The following TAPT1 variants were observed in gnomAD, a reference collection of about 807,000 sequenced individuals.
The protein encoded by TAPT1 is transmembrane anterior posterior transformation protein 1 homolog.
A neutral mutation model predicts 65.6 loss-of-function variants in TAPT1; 28 were observed. The ratio of observed to expected loss-of-function variants is 0.43; its 90% CI spans 0.32 to 0.59. The LOEUF (loss-of-function observed/expected upper bound fraction) is 0.59. Ranked by LOEUF, TAPT1 falls within the 20% of genes least tolerant of loss-of-function variation. TAPT1 has a pLI of 0.09. For missense variants in TAPT1, 563 were observed against 679.9 expected (o/e 0.83, Z 1.91); for synonymous variants, 278 against 245.2 (o/e 1.13, Z -1.25).
chr4:16,219,907 C>T (rs1751151798), intron 1 of TAPT1, among the ~76,000 whole-genome samples: 1 of 152,192 alleles, frequency 6.6e-6, no homozygotes. Context: ...AAATGATCAA[C>T]CATCTCTCTG....
intron 4 of TAPT1, among the ~76,000 whole-genome samples, chr4:16,189,217 T>C (rs2149690257): frequency 6.6e-6 from 1 of 152,348 alleles, no homozygotes. Flanking sequence ...TCAGTCTGAA[T>C]GCCACATCCT....
At chr4:16,166,062 C>T (rs56218994) in intron 13 of TAPT1, among the ~76,000 whole-genome samples, 34,936 of 152,172 alleles carry the variant, frequency 0.23, 4,122 homozygotes, top group East Asian at 0.31. Flanking sequence ...CTGGGATGGG[C>T]CACTGCAGCC....
Position 16,217,827 on chromosome 4 carries a change from G to A in TAPT1, c.200-3929C>T, listed in dbSNP as rs200135831. ...GTGAAAAGCTTCACTCAAGGTAGCA[G>A]CTGCTGCTGATTCAGGAGCCTCTAC... On this transcript the variant is annotated intron_variant, in intron 1 of 13. Coordinates refer to ENST00000405303, the MANE Select transcript of TAPT1 (RefSeq NM_153365.3). 6.2e-3 allele frequency among the ~76,000 whole-genome samples: 947 copies of A among 152,340 alleles called. 11 individuals are homozygous for A. Among genetic ancestry groups the A allele is most frequent in the African/African-American group, 0.021 (893 of 41,572 alleles).
rs1401818014 is a variant in TAPT1, at chr4:16,181,365, T to G, written c.917-1708A>C. On this transcript the variant is annotated intron_variant, in intron 7 of 13. Coordinates refer to ENST00000405303, the MANE Select transcript of TAPT1 (RefSeq NM_153365.3). ...CAGAATTATCTGAAAATAAATGGCC[T>G]TGAGAAATTTAAAACACTATCTGAA... Among the ~76,000 whole-genome samples, 7 of 152,234 alleles carry G rather than the reference T, an allele frequency of 4.6e-5. No homozygotes were observed. In the East Asian group the frequency reaches 1.3e-3, roughly 29 times the overall value.
chr4:16,176,408 T>C, intron 8 of TAPT1, 180 bp from the exon 9 acceptor site: 1 of 412,772 alleles, frequency 2.4e-6, no homozygotes, highest in Non-Finnish European at 4.3e-6. Flanking sequence ...TAAAGGATAC[T>C]TCATTCAACA....
chr4:16,226,553 A>AGCCGCCGCC (rs551534255), upstream of TAPT1: 401 of 742,450 alleles, frequency 5.4e-4, no homozygotes, highest in African/African-American at 7.6e-4. Context: ...CCGGAGCCCG[A>AGCCGCCGCC]GCCGCCGCCG....
In TAPT1 at chr4:16,166,866, T is replaced by C. The variant is rs75762102; in HGVS notation, c.1314-73A>G. 86,983 of 1,472,402 alleles carry C rather than the reference T, an allele frequency of 0.059. 2,939 individuals carry two copies. The highest frequency in any genetic ancestry group is 0.12 in the Middle Eastern group (688 of 5,760). The allele number at this position is 1,472,402 out of a possible 1,614,324, so 91.2% of individuals were successfully genotyped here. ...TCCCTGTGAATGCCATCTACTACCA[T>C]GGCTAAGGAGAAGGTGGGGGGGCAT... On this transcript the variant is annotated intron_variant, in intron 12 of 13. Coordinates refer to ENST00000405303, the MANE Select transcript of TAPT1 (RefSeq NM_153365.3).
chr4:16,160,638 T>C lies in TAPT1; in HGVS notation c.*2670A>G, dbSNP rs1747204137. ...TCTTCCACAGACGAACAGGGACTTATCTTGCTCATTGCTGATCCCACCACT... is the reference window on the plus strand; with the variant it reads ...TCTTCCACAGACGAACAGGGACTTACCTTGCTCATTGCTGATCCCACCACT... On this transcript the variant is annotated 3_prime_UTR_variant, in exon 14 of 14. Coordinates refer to ENST00000405303, the MANE Select transcript of TAPT1 (RefSeq NM_153365.3). 1.3e-5 allele frequency: 2 copies of C among 152,356 alleles called. No homozygotes were observed. The highest frequency in any genetic ancestry group is 4.1e-4 in the South Asian group (2 of 4,826). The allele number at this position is 152,356 out of a possible 1,614,324, so 9.4% of individuals were successfully genotyped here. A position where few individuals can be genotyped will look rare whatever the true frequency, so the allele number is the denominator to read the frequency against.
intron 2 of TAPT1, among the ~76,000 whole-genome samples, chr4:16,213,392 A>G (rs2108888742): frequency 6.6e-6 from 1 of 152,310 alleles, no homozygotes; most frequent in East Asian, 1.9e-4. Flanking sequence ...AAACCTTTAA[A>G]AAGGCTGAAA....
intron 2 of TAPT1, among the ~76,000 whole-genome samples, chr4:16,209,319 T>C (rs540569881): frequency 2.0e-5 from 3 of 152,358 alleles, no homozygotes; most frequent in African/African-American, 7.2e-5. Context: ...GTATCCTGTA[T>C]TATAATAACT....
intron 1 of TAPT1, among the ~76,000 whole-genome samples, chr4:16,223,803 C>T (rs1371017011): frequency 1.3e-5 from 2 of 151,948 alleles, no homozygotes; most frequent in Non-Finnish European, 2.9e-5. Flanking sequence ...TCAGACACCA[C>T]GTTTTATTTT....
Position 16,188,335 on chromosome 4 carries a change from T to G in TAPT1, c.633A>C (p.Ser211=), listed in dbSNP as rs1339071374. The G allele has an allele frequency of 6.3e-7, 1 of 1,590,742 alleles. No individual in the cohort carries two copies. The highest frequency in any genetic ancestry group is 8.5e-7 in the Non-Finnish European group (1 of 1,172,476). Residue 211 remains serine, a synonymous_variant, in exon 5 of 14, where the codon TCA becomes TCC. Transcript: ENST00000405303. ...NMLEVADRLF[S]SFGQDILDAL... ...CATCTAATATGTCTTGTCCAAAAGA[T>G]GAAAACAGACGATCAGCTACCTAAA...
rs7699095 is a variant in TAPT1 at position 16,179,802 on chromosome 4, A to G, written c.917-145T>C. The stretch of plus-strand genomic sequence containing the variant: ...AATATACAACTTTATATATATATAT[A>G]TGTGTGTGTGTGTGTGTGTGTGTGT... On this transcript the variant is annotated intron_variant, in intron 7 of 13. Coordinates refer to ENST00000405303, the MANE Select transcript of TAPT1 (RefSeq NM_153365.3). 0.016 allele frequency: 5,039 copies of G among 309,776 alleles called. 135 individuals carry two copies. Among genetic ancestry groups the G allele is most frequent in the African/African-American group, 0.079 (3,461 of 43,746 alleles). 19.2% of individuals were successfully genotyped at this position (309,776 alleles called of 1,614,324 possible).
chr4:16,173,979 T>C (rs1230534481), intron 11 of TAPT1, among the ~76,000 whole-genome samples: 2 of 152,186 alleles, frequency 1.3e-5, no homozygotes. Flanking sequence ...AGGAAAGCCA[T>C]TTACATAAAA....
At chr4:16,213,718 C>T in intron 2 of TAPT1, 50 bp downstream of exon 2, 1 of 1,472,106 alleles carries the variant, frequency 6.8e-7, no homozygotes, top group Non-Finnish European at 9.0e-7. Flanking sequence ...ATAATTAATA[C>T]TTTGACATAA....
chr4:16,206,669 G>GAGA (rs1750363068), intron 2 of TAPT1, among the ~76,000 whole-genome samples: 1 of 152,134 alleles, frequency 6.6e-6, no homozygotes, highest in Non-Finnish European at 1.5e-5. Context: ...AGTACGGAAG[G>GAGA]AGAAGAGCCA....
At chr4:16,197,852 A>AC (rs1020658209) in intron 3 of TAPT1, among the ~76,000 whole-genome samples, 1 of 150,512 alleles carries the variant, frequency 6.6e-6, no homozygotes, top group Non-Finnish European at 1.5e-5. Flanking sequence ...GCATTTTCTA[A>AC]TTTTTTTTTT....
At chr4:16,166,989 C>CTTTTTT in intron 12 of TAPT1, 196 bp from the exon 13 acceptor site, 1 of 292,802 alleles carries the variant, frequency 3.4e-6, no homozygotes, top group Admixed American at 4.7e-5. Context: ...TTCCTTAGTT[C>CTTTTTT]TCTTTTTTTT....
intron 12 of TAPT1, among the ~76,000 whole-genome samples, chr4:16,167,909 C>T (rs1197246516): frequency 6.6e-6 from 1 of 152,118 alleles, no homozygotes; most frequent in Non-Finnish European, 1.5e-5. Flanking sequence ...CAATATTTTG[C>T]TTCTACTAAA....
Sources: allele counts gnomAD v4.1 joint callset (sites outside exome capture counted in the v4.1 genomes callset), GRCh38; gene constraint gnomAD v4.1.1; transcripts MANE v1.5; gene names NCBI Gene and HGNC (gene_info 2026-07-23, HGNC 2026-07-21).